The following SEMA6C variants were observed in gnomAD, a reference collection of about 807,000 sequenced individuals.
SEMA6C encodes the protein semaphorin 6C.
Under a neutral mutation model 72.9 loss-of-function variants are expected in SEMA6C, and 37 were observed. The ratio of observed to expected loss-of-function variants is 0.51; its 90% CI spans 0.39 to 0.67. SEMA6C has a LOEUF of 0.67. Among genes scored for constraint, SEMA6C ranks in the 30% least tolerant of loss-of-function variants. SEMA6C has a pLI of 0.00. For missense variants in SEMA6C, 1,189 were observed against 1,263.6 expected, an observed-to-expected ratio of 0.94 and a Z score of 0.89; for synonymous variants, 578 against 554.1, an observed-to-expected ratio of 1.04 and a Z score of -0.61.
rs587626463 is a variant in SEMA6C at position 151,137,472 on chromosome 1, G to T, written c.756+239C>A. On this transcript the variant is annotated intron_variant, in intron 10 of 18. Transcript: ENST00000368914. ...AAAAAAAAAAAAAAAAGAGCACCAA[G>T]GGAGCAATGTGAGGGGCACAGTGAA... Among the ~76,000 whole-genome samples the T allele has an allele frequency of 3.4e-3, 497 of 148,030 alleles. 2 individuals carry two copies. Among genetic ancestry groups the T allele is most frequent in the South Asian group, 8.2e-3 (38 of 4,648 alleles).
Position 151,144,192 on chromosome 1 carries a change from C to T in SEMA6C, c.-55+193G>A, listed in dbSNP as rs954771961. Among the ~76,000 whole-genome samples, 4 of 152,298 alleles carry T rather than the reference C, an allele frequency of 2.6e-5. No individual in the cohort carries two copies. In the South Asian group the frequency reaches 8.3e-4, roughly 32 times the overall value. Reference sequence around the variant, plus strand: ...CCCAGGGGAAGAGAAAGGGACGTAGCTTGTCTCTCATCCTCCCCAACCTGC... The same window carrying T: ...CCCAGGGGAAGAGAAAGGGACGTAGTTTGTCTCTCATCCTCCCCAACCTGC... On this transcript the variant is annotated intron_variant, in intron 2 of 18. Coordinates refer to ENST00000368914, the MANE Select transcript of SEMA6C (RefSeq NM_030913.6).
rs754784695 is a variant in SEMA6C at position 151,135,245 on chromosome 1, C to T, written c.1498G>A (p.Gly500Ser). ...GAAAAAGCCACAAAAAGCCTGTGACCCTCAGTGTCCAGCTCCAGCCCTATG... is the reference window on the plus strand; with the variant it reads ...GAAAAAGCCACAAAAAGCCTGTGACTCTCAGTGTCCAGCTCCAGCCCTATG... ...RIIGLELDTE[G>S]HRLFVAFSGC... The change falls in exon 15 of 19, where the codon GGT becomes AGT. Residue 500 changes from glycine (G) to serine (S), a missense_variant. By Grantham distance (56) the Gly-to-Ser change is moderately conservative. Around this residue, in one of 2 missense-constraint regions of SEMA6C, gnomAD observed 721 missense variants for 686.2 expected, o/e 1.05. Transcript: ENST00000368914. 7 of 1,614,254 alleles carry T rather than the reference C, an allele frequency of 4.3e-6. No individual in the cohort carries two copies. Among genetic ancestry groups the T allele is most frequent in the Non-Finnish European group, 5.9e-6 (7 of 1,180,044 alleles).
rs1406027383 is a variant in SEMA6C at position 151,132,949 on chromosome 1, G to A, written c.2328C>T (p.Gly776=). Residue 776 remains glycine, a synonymous_variant, in exon 19 of 19, where the codon GGC becomes GGT. Coordinates refer to ENST00000368914, the MANE Select transcript of SEMA6C (RefSeq NM_030913.6). The part of the protein sequence containing the change: ...TLEELLRYLH[G]PQPPRKGAEP... ...CGGCCCCCTTTCTGGGCGGCTGCGG[G>A]CCGTGCAGGTAGCGCAGCAGTTCCT... The A allele has an allele frequency of 5.6e-5, 79 of 1,408,950 alleles. No homozygotes were observed. The highest frequency in any genetic ancestry group is 2.2e-4 in the Middle Eastern group (1 of 4,490). The allele number at this position is 1,408,950 out of a possible 1,614,324, so 87.3% of individuals were successfully genotyped here.
chr1:151,134,909 C>G, intron 15 of SEMA6C, 34 bp from the exon 16 acceptor site: 1 of 1,578,874 alleles, frequency 6.3e-7, no homozygotes, highest in Non-Finnish European at 8.7e-7. Context: ...GGCTGGATCC[C>G]TTTCTACTCC....
chr1:151,140,996 T>G (rs1682497409), intron 3 of SEMA6C, among the ~76,000 whole-genome samples: 1 of 57,654 alleles, frequency 1.7e-5, no homozygotes, highest in South Asian at 7.0e-4. Flanking sequence ...AGACTCCGTC[T>G]CGAAAAAAAA....
chr1:151,142,766 G>T, intron 2 of SEMA6C, 91 bp from the exon 3 acceptor site: 1 of 630,862 alleles, frequency 1.6e-6, no homozygotes, highest in Non-Finnish European at 2.7e-6. Context: ...TGTATCCCCA[G>T]AAGACCCTGT....
rs1400185664 is a variant in SEMA6C, at chr1:151,133,616, T to G, written c.1760-99A>C. The G allele has an allele frequency of 2.1e-6, 3 of 1,430,066 alleles. No individual in the cohort carries two copies. The East Asian group carries it at 7.6e-5, about 36-fold the overall frequency. The allele number at this position is 1,430,066 out of a possible 1,614,324, so 88.6% of individuals were successfully genotyped here. ...GCAGTTCCCAGGCCTGACATCATCGTCCCTCCCGCTGCTACTCAGCCTCAC... is the reference window on the plus strand; with the variant it reads ...GCAGTTCCCAGGCCTGACATCATCGGCCCTCCCGCTGCTACTCAGCCTCAC... On this transcript the variant is annotated intron_variant, in intron 18 of 18. Transcript: ENST00000368914. This position sits in a 1 kb window ranked among gnomAD's most constrained non-coding sequence, Gnocchi z 5.9.
In SEMA6C at chr1:151,134,811, T is replaced by C. The variant is rs755542991; in HGVS notation, c.1645A>G (p.Arg549Gly). 6.2e-7 allele frequency: 1 copy of C among 1,613,938 alleles called. No individual in the cohort carries two copies. Among genetic ancestry groups the C allele is most frequent in the Non-Finnish European group, 8.5e-7 (1 of 1,179,924 alleles). ...CCCATCACTTACCCACCAGATCCCCTGATATCCACACAGCCCCTGGAGCTA... is the reference window on the plus strand; with the variant it reads ...CCCATCACTTACCCACCAGATCCCCCGATATCCACACAGCCCCTGGAGCTA... ...WHSSRGCVDIRGSGGTDVDQA... is the reference protein window; with the variant it reads ...WHSSRGCVDIGGSGGTDVDQA... Residue 549 changes from arginine to glycine, a missense_variant, in exon 16 of 19, where the codon AGG becomes GGG. Around this residue, in one of 2 missense-constraint regions of SEMA6C, gnomAD observed 721 missense variants for 686.2 expected, o/e 1.05. Transcript: ENST00000368914.
In SEMA6C at chr1:151,133,610, T is replaced by G. The variant is rs907847382; in HGVS notation, c.1760-93A>C. 7.0e-7 allele frequency: 1 copy of G among 1,431,908 alleles called. No homozygotes were observed. The highest frequency in any genetic ancestry group is 9.1e-7 in the Non-Finnish European group (1 of 1,097,544). The allele number at this position is 1,431,908 out of a possible 1,614,324, so 88.7% of individuals were successfully genotyped here. A position where few individuals can be genotyped will look rare whatever the true frequency, so the allele number is the denominator to read the frequency against. On this transcript the variant is annotated intron_variant, in intron 18 of 18. Coordinates refer to ENST00000368914, the MANE Select transcript of SEMA6C (RefSeq NM_030913.6). This position sits in a 1 kb window ranked among gnomAD's most constrained non-coding sequence, Gnocchi z 5.9. ...GCGCCGGCAGTTCCCAGGCCTGACA[T>G]CATCGTCCCTCCCGCTGCTACTCAG...
At position 151,133,788 on chromosome 1, in the gene SEMA6C, G is replaced by A. The variant is rs587655116; in HGVS notation, c.1760-271C>T. On this transcript the variant is annotated intron_variant, in intron 18 of 18. Coordinates refer to ENST00000368914, the MANE Select transcript of SEMA6C (RefSeq NM_030913.6). The surrounding 1 kb of genome is among the most constrained non-coding windows in gnomAD (Gnocchi z 5.9). ...CCCTGTAGCCATGCCAAGAGCAACT[G>A]CCAAAAACTGCTCGTGCAGGAGAAC... is the stretch of plus-strand genomic sequence containing the variant. Among the ~76,000 whole-genome samples, 80 of 152,298 alleles carry A rather than the reference G, an allele frequency of 5.3e-4. No homozygotes were observed. The highest frequency in any genetic ancestry group is 1.8e-3 in the African/African-American group (76 of 41,560).
chr1:151,133,209 C>T lies in SEMA6C; in HGVS notation c.2068G>A (p.Val690Met). 1 of 1,573,234 alleles carries T rather than the reference C, an allele frequency of 6.4e-7. No individual in the cohort carries two copies. Among genetic ancestry groups the T allele is most frequent in the Admixed American group, 1.8e-5 (1 of 56,996 alleles). ...YTTFLPPPEG[V>M]PPPELACLPT... ...AGGCAGGCCAGCTCCGGCGGGGGCACGCCCTCCGGAGGCGGCAGGAAGGTG... is the reference window on the plus strand; with the variant it reads ...AGGCAGGCCAGCTCCGGCGGGGGCATGCCCTCCGGAGGCGGCAGGAAGGTG... Residue 690 changes from valine to methionine, a missense_variant, in exon 19 of 19, where the codon GTG (valine) becomes ATG (methionine). Physicochemically the swap from Val to Met is conservative, Grantham distance 21. Transcript: ENST00000368914. The surrounding 1 kb of genome is among the most constrained non-coding windows in gnomAD (Gnocchi z 5.9).
rs940359016 is a variant in SEMA6C, at chr1:151,135,009, C to T, written c.1581-134G>A. On this transcript the variant is annotated intron_variant, in intron 15 of 18. Transcript: ENST00000368914. ...TCCTGTCCACCTCAGTCTCTCCACA[C>T]CCTGGTTGCTGCCCACCTTCAGAAT... 6 of 1,344,932 alleles carry T rather than the reference C, an allele frequency of 4.5e-6. No individual in the cohort carries two copies. The African/African-American group carries it at 5.8e-5, about 13-fold the overall frequency. The allele number at this position is 1,344,932 out of a possible 1,614,324, so 83.3% of individuals were successfully genotyped here.
Position 151,131,959 on chromosome 1 carries a change from G to A in SEMA6C, c.*525C>T. On this transcript the variant is annotated 3_prime_UTR_variant, in exon 19 of 19. Coordinates refer to ENST00000368914, the MANE Select transcript of SEMA6C (RefSeq NM_030913.6). Reference sequence around the variant, plus strand: ...GGACCGCAGCCATCCCATTACCCGGGAGAGCCCAGGGCCCAGATGAAGGCA... The same window carrying A: ...GGACCGCAGCCATCCCATTACCCGGAAGAGCCCAGGGCCCAGATGAAGGCA... The A allele has an allele frequency of 4.1e-6, 1 of 245,564 alleles. No individual in the cohort carries two copies. The highest frequency in any genetic ancestry group is 8.2e-6 in the Non-Finnish European group (1 of 122,492). 15.2% of individuals were successfully genotyped at this position (245,564 alleles called of 1,614,324 possible).
rs965577852 is a variant in SEMA6C at position 151,134,419 on chromosome 1, G to A, written c.1741C>T (p.Pro581Ser). 4.4e-6 allele frequency: 7 copies of A among 1,595,334 alleles called. No individual in the cohort carries two copies. Among genetic ancestry groups the A allele is most frequent in the Non-Finnish European group, 5.1e-6 (6 of 1,170,688 alleles). ...GACTCACCATAAGCAGAATCCCCAGGGCCAGACTGACTCCCAGTAGCTCCA... is the reference window on the plus strand; with the variant it reads ...GACTCACCATAAGCAGAATCCCCAGAGCCAGACTGACTCCCAGTAGCTCCA... ...QDGATGSQSG[P>S]GDSAYGVRRD... Residue 581 changes from proline to serine, a missense_variant, in exon 18 of 19, where the codon CCT becomes TCT. Coordinates refer to ENST00000368914, the MANE Select transcript of SEMA6C (RefSeq NM_030913.6).
rs1483227961 is a variant in SEMA6C, at chr1:151,132,705, G to A, written c.2572C>T (p.Arg858Trp). 6.2e-5 allele frequency: 93 copies of A among 1,490,708 alleles called. No homozygotes were observed. The highest frequency in any genetic ancestry group is 7.9e-5 in the Non-Finnish European group (88 of 1,119,146). 92.3% of individuals were successfully genotyped at this position (1,490,708 alleles called of 1,614,324 possible). A position where few individuals can be genotyped will look rare whatever the true frequency, so the allele number is the denominator to read the frequency against. Residue 858 changes from arginine to tryptophan, a missense_variant, in exon 19 of 19, where the codon CGG (arginine) becomes TGG (tryptophan). By Grantham distance (101) the Arg-to-Trp change is moderately radical. Coordinates refer to ENST00000368914, the MANE Select transcript of SEMA6C (RefSeq NM_030913.6). ...GGRRLPFSGHRAPPALLTRVP... is the reference protein window; with the variant it reads ...GGRRLPFSGHWAPPALLTRVP... ...CGAGTGAGCAGGGCAGGGGGGGCCC[G>A]GTGGCCGGAGAAAGGCAACCTCCGG...
Position 151,132,857 on chromosome 1 carries a change from G to C in SEMA6C, c.2420C>G (p.Pro807Arg). 2 of 1,281,884 alleles carry C rather than the reference G, an allele frequency of 1.6e-6. No individual in the cohort carries two copies. The highest frequency in any genetic ancestry group is 4.0e-5 in the South Asian group (2 of 49,558). 79.4% of individuals were successfully genotyped at this position (1,281,884 alleles called of 1,614,324 possible). Residue 807 changes from proline (P) to arginine (R), a missense_variant, in exon 19 of 19, where the codon CCC (proline) becomes CGC (arginine). Transcript: ENST00000368914. ...GGCGCACTCGTGGGGCCTGGGGCTG[G>C]GGCCGCCCAAGAGGGCGGGGGCGGG... ...PEPAPALLGG[P>R]SPRPHECASP... is the part of the protein sequence containing the mutation.
chr1:151,132,701 G>A lies in SEMA6C; in HGVS notation c.2576C>T (p.Ala859Val), dbSNP rs587717336. 6.0e-6 allele frequency: 9 copies of A among 1,493,200 alleles called. No individual in the cohort carries two copies. Among genetic ancestry groups the A allele is most frequent in the Non-Finnish European group, 8.0e-6 (9 of 1,120,292 alleles). The allele number at this position is 1,493,200 out of a possible 1,614,324, so 92.5% of individuals were successfully genotyped here. A position where few individuals can be genotyped will look rare whatever the true frequency, so the allele number is the denominator to read the frequency against. Residue 859 changes from alanine to valine, a missense_variant, in exon 19 of 19, where the codon GCC (alanine) becomes GTC (valine). Physicochemically the swap from Ala to Val is moderately conservative, Grantham distance 64 (BLOSUM62 0). Coordinates refer to ENST00000368914, the MANE Select transcript of SEMA6C (RefSeq NM_030913.6). Reference sequence around the variant, plus strand: ...GACTCGAGTGAGCAGGGCAGGGGGGGCCCGGTGGCCGGAGAAAGGCAACCT... The same window carrying A: ...GACTCGAGTGAGCAGGGCAGGGGGGACCCGGTGGCCGGAGAAAGGCAACCT... ...GRRLPFSGHR[A>V]PPALLTRVPS...
Position 151,132,146 on chromosome 1 carries a change from C to T in SEMA6C, c.*338G>A. Reference sequence around the variant, plus strand: ...GAAGGCCCGAGGACTCTGGACACAGCGCGCGCGGCCCGCCCGGGGCACAGT... The same window carrying T: ...GAAGGCCCGAGGACTCTGGACACAGTGCGCGCGGCCCGCCCGGGGCACAGT... On this transcript the variant is annotated 3_prime_UTR_variant, in exon 19 of 19. Transcript: ENST00000368914. 1.5e-6 allele frequency: 2 copies of T among 1,304,614 alleles called. No individual in the cohort carries two copies. Among genetic ancestry groups the T allele is most frequent in the Non-Finnish European group, 2.0e-6 (2 of 999,216 alleles). The allele number at this position is 1,304,614 out of a possible 1,614,324, so 80.8% of individuals were successfully genotyped here.
In SEMA6C at chr1:151,133,856, C is replaced by A; in HGVS notation, c.1760-339G>T. 9.5e-7 allele frequency: 1 copy of A among 1,055,554 alleles called. No homozygotes were observed. Among genetic ancestry groups the A allele is most frequent in the Non-Finnish European group, 1.4e-6 (1 of 723,980 alleles). 65.4% of individuals were successfully genotyped at this position (1,055,554 alleles called of 1,614,324 possible). A position where few individuals can be genotyped will look rare whatever the true frequency, so the allele number is the denominator to read the frequency against. ...AATTCTGGGGAAGGGAGGCTCCAAA[C>A]AGGCGTTAGTGAGCACCAAACACCA... On this transcript the variant is annotated intron_variant, in intron 18 of 18. Coordinates refer to ENST00000368914, the MANE Select transcript of SEMA6C (RefSeq NM_030913.6). This position sits in a 1 kb window ranked among gnomAD's most constrained non-coding sequence, Gnocchi z 5.9.
Sources: allele counts gnomAD v4.1 joint callset (sites outside exome capture counted in the v4.1 genomes callset), GRCh38; gene constraint gnomAD v4.1.1; regional missense constraint gnomAD v4.1.1; non-coding constraint Gnocchi (gnomAD v3.1); transcripts MANE v1.5; gene names NCBI Gene and HGNC (gene_info 2026-07-23, HGNC 2026-07-21).